STK33: variants seen among roughly 807,000 people sequenced by gnomAD.
STK33 encodes the protein serine/threonine kinase 33.
In STK33, 52 loss-of-function variants were observed where a neutral mutation model predicts 58.0. The observed-to-expected ratio is 0.90, with a 90% CI of 0.72 to 1.13. The LOEUF is 1.13. Ranked by LOEUF, STK33 falls within the 50% of genes most tolerant of loss-of-function variation. STK33 has a pLI of 0.00. For missense variants in STK33, 630 were observed against 604.2 expected, an observed-to-expected ratio of 1.04 and a Z score of -0.45; for synonymous variants, 215 against 200.1, an observed-to-expected ratio of 1.07 and a Z score of -0.63.
intron 1 of STK33, among the ~76,000 whole-genome samples, chr11:8,505,180 C>T (rs1428081643): frequency 6.6e-6 from 1 of 152,180 alleles, no homozygotes; most frequent in East Asian, 1.9e-4. Context: ...GGTTCCACTT[C>T]GAAACTCTTA....
intron 14 of STK33, among the ~76,000 whole-genome samples, chr11:8,416,121 T>A (rs1032576265): frequency 3.3e-5 from 5 of 152,136 alleles, no homozygotes. Flanking sequence ...CCCAGGGAAT[T>A]AGCCAACAAA....
rs181337698 is a variant in STK33 at position 8,522,066 on chromosome 11, G to C, written c.-465-41452C>G. Among the ~76,000 whole-genome samples the C allele has an allele frequency of 2.4e-4, 37 of 152,288 alleles. 1 individual carries two copies. The Middle Eastern group carries it at 0.01, about 42-fold the overall frequency. ...GCTCAACCAATGTGGAAGACAGTGTGGCAATTCCTCAAGTATCTAGAACTA... is the reference window on the plus strand; with the variant it reads ...GCTCAACCAATGTGGAAGACAGTGTCGCAATTCCTCAAGTATCTAGAACTA... On this transcript the variant is annotated intron_variant, in intron 1 of 15. Coordinates refer to ENST00000687296, the MANE Select transcript of STK33 (RefSeq NM_001352389.2).
intron 14 of STK33, among the ~76,000 whole-genome samples, chr11:8,432,143 T>C (rs1462494553): frequency 6.6e-6 from 1 of 152,226 alleles, no homozygotes; most frequent in Non-Finnish European, 1.5e-5. Flanking sequence ...TGTTTGAATA[T>C]CATTAAAGCT....
At position 8,505,818 on chromosome 11, in the gene STK33, C is replaced by T. The variant is rs185866957; in HGVS notation, c.-465-25204G>A. ...TGAATGAATTAGGCAGTAGGAAAGG[C>T]ACTGAACTTCAACTCCTAAAACAAC... On this transcript the variant is annotated intron_variant, in intron 1 of 15. Transcript: ENST00000687296. Among the ~76,000 whole-genome samples, 6 of 152,310 alleles carry T rather than the reference C, an allele frequency of 3.9e-5. No homozygotes were observed. The East Asian group carries it at 1.2e-3, about 29-fold the overall frequency.
chr11:8,517,941 C>G (rs1032087016), intron 1 of STK33, among the ~76,000 whole-genome samples: 1 of 152,098 alleles, frequency 6.6e-6, no homozygotes, highest in African/African-American at 2.4e-5. Context: ...AGGAGAACTT[C>G]CCCAACCTAG....
the STK33 span, among the ~76,000 whole-genome samples, chr11:8,336,020 G>A: frequency 6.6e-6 from 1 of 152,234 alleles, no homozygotes; most frequent in Non-Finnish European, 1.5e-5. Context: ...CCAGGCTCTG[G>A]GATGAAGTCC....
At chr11:8,434,842 G>A (rs1241275766) in intron 14 of STK33, among the ~76,000 whole-genome samples, 4 of 152,266 alleles carry the variant, frequency 2.6e-5, no homozygotes, top group East Asian at 3.9e-4. Flanking sequence ...CTGGGGAAGA[G>A]CCTTTTAACT....
At chr11:8,414,685 G>A (rs1029462592) in intron 14 of STK33, among the ~76,000 whole-genome samples, 2 of 152,062 alleles carry the variant, frequency 1.3e-5, no homozygotes, top group Non-Finnish European at 2.9e-5. Flanking sequence ...AACTAAATGA[G>A]GATCACTACG....
chr11:8,438,530 T>G (rs1225007049), intron 12 of STK33, among the ~76,000 whole-genome samples: 1 of 152,114 alleles, frequency 6.6e-6, no homozygotes, highest in Admixed American at 6.6e-5. Flanking sequence ...CTCAGACAGA[T>G]TAATGAATAG....
chr11:8,463,438 C>T (rs190994212), intron 7 of STK33, among the ~76,000 whole-genome samples: 19 of 152,258 alleles, frequency 1.2e-4, no homozygotes, highest in Admixed American at 1.1e-3. Context: ...GATGTTCACT[C>T]GCCTGCTGCT....
rs1425064448 is a variant in STK33 at position 8,572,039 on chromosome 11, AT to A, written c.-466+22043del. On this transcript the variant is annotated intron_variant, in intron 1 of 15. Transcript: ENST00000687296. ...ATTAAATTTTAATTTTAAAAAATAAATTAATTAATTAATTAATTTTAAAATT... is the reference window on the plus strand; with the variant it reads ...ATTAAATTTTAATTTTAAAAAATAAATAATTAATTAATTAATTTTAAAATT... Among the ~76,000 whole-genome samples, 485 of 130,730 alleles carry A rather than the reference AT, an allele frequency of 3.7e-3. 90 individuals carry two copies. The highest frequency in any genetic ancestry group is 0.012 in the African/African-American group (348 of 29,844). 85.8% of individuals were successfully genotyped at this position (130,730 alleles called of 152,430 possible).
chr11:8,399,676 A>C (rs1272829168), intron 15 of STK33, among the ~76,000 whole-genome samples: 1 of 152,226 alleles, frequency 6.6e-6, no homozygotes, highest in Non-Finnish European at 1.5e-5. Context: ...CAATGAATCC[A>C]GGAGCTGGTT....
intron 15 of STK33, among the ~76,000 whole-genome samples, chr11:8,398,849 A>G (rs1030860509): frequency 5.3e-5 from 8 of 152,204 alleles, no homozygotes; most frequent in Admixed American, 2.0e-4. Flanking sequence ...TTAAACCAAC[A>G]AAGATCAAAA....
At chr11:8,527,907 A>G (rs988571918) in intron 1 of STK33, among the ~76,000 whole-genome samples, 12 of 152,252 alleles carry the variant, frequency 7.9e-5, no homozygotes, top group African/African-American at 2.7e-4. Context: ...AGATTATCTA[A>G]TTAAATATTT....
chr11:8,511,733 G>A (rs967962585), intron 1 of STK33, among the ~76,000 whole-genome samples: 2 of 152,082 alleles, frequency 1.3e-5, no homozygotes, highest in Admixed American at 6.6e-5. Context: ...CTATTCAAAT[G>A]ACGATATGAT....
At chr11:8,479,575 G>A (rs1280258662) in intron 2 of STK33, among the ~76,000 whole-genome samples, 1 of 152,028 alleles carries the variant, frequency 6.6e-6, no homozygotes, top group African/African-American at 2.4e-5. Flanking sequence ...AGGCACAGTG[G>A]TTCACGCCTA....
chr11:8,564,642 A>C (rs1565376165), intron 1 of STK33, among the ~76,000 whole-genome samples: 1 of 152,228 alleles, frequency 6.6e-6, no homozygotes, highest in Non-Finnish European at 1.5e-5. Flanking sequence ...AGTTAACCAC[A>C]GATGGACCCT....
intron 2 of STK33, among the ~76,000 whole-genome samples, chr11:8,479,258 C>A (rs1243586006): frequency 6.6e-6 from 1 of 151,834 alleles, no homozygotes; most frequent in Non-Finnish European, 1.5e-5. Flanking sequence ...AGTAGAGAAA[C>A]CCCATCTCTA....
chr11:8,547,005 T>A (rs1463828379), intron 1 of STK33, among the ~76,000 whole-genome samples: 1 of 152,220 alleles, frequency 6.6e-6, no homozygotes, highest in African/African-American at 2.4e-5. Flanking sequence ...GTTTCCATGA[T>A]GGATGTACTA....
Sources: allele counts gnomAD v4.1 joint callset (sites outside exome capture counted in the v4.1 genomes callset), GRCh38; gene constraint gnomAD v4.1.1; transcripts MANE v1.5; gene names NCBI Gene and HGNC (gene_info 2026-07-23, HGNC 2026-07-21).